The following MDN1 variants were observed in gnomAD, a reference collection of about 807,000 sequenced individuals.
MDN1 encodes the protein midasin.
MDN1 carries 266 observed loss-of-function variants against 669.2 expected under a neutral mutation model. The ratio of observed to expected loss-of-function variants is 0.40; its 90% CI spans 0.36 to 0.44. The LOEUF (loss-of-function observed/expected upper bound fraction) is 0.44, where lower values mean the gene tolerates loss of function less well. Among genes scored for constraint, MDN1 ranks in the 20% least tolerant of loss-of-function variants. The pLI, the probability that MDN1 is intolerant of heterozygous loss-of-function variation, is 1.00. For synonymous variants in MDN1, 2,385 were observed against 2,457.1 expected, an observed-to-expected ratio of 0.97 and a Z score of 0.87; for missense variants, 5,940 against 6,754.0, an observed-to-expected ratio of 0.88 and a Z score of 4.22.
intron 2 of MDN1, among the ~76,000 whole-genome samples, chr6:89,798,181 CAA>C (rs10706907): frequency 5.7e-4 from 41 of 71,518 alleles, no homozygotes; most frequent in East Asian, 1.2e-3. Flanking sequence ...GACTCTGTCT[CAA>C]AAAAAAAAAA....
chr6:89,678,764 C>CG lies in MDN1; in HGVS notation c.12266-20dup, dbSNP rs777535210. ...ACTTCACCTGTAAGGGAAAACAAGGCGGGGAGGGGAGACAATAAGAAAATC... is the reference window on the plus strand; with the variant it reads ...ACTTCACCTGTAAGGGAAAACAAGGCGGGGGAGGGGAGACAATAAGAAAATC... On this transcript the variant is annotated intron_variant, in intron 74 of 101. Coordinates refer to ENST00000369393, the MANE Select transcript of MDN1 (RefSeq NM_014611.3). 1.9e-6 allele frequency: 3 copies of CG among 1,598,698 alleles called. No homozygotes were observed. The highest frequency in any genetic ancestry group is 2.6e-6 in the Non-Finnish European group (3 of 1,171,770).
At chr6:89,734,014 G>A (rs1306959456) in intron 33 of MDN1, among the ~76,000 whole-genome samples, 2 of 151,042 alleles carry the variant, frequency 1.3e-5, no homozygotes, top group Non-Finnish European at 1.5e-5. Context: ...GCCAGGCACG[G>A]TGGCTCATGC....
At position 89,713,293 on chromosome 6, in the gene MDN1, G is replaced by T. The variant is rs115030787; in HGVS notation, c.7073C>A (p.Ser2358Tyr). Residue 2358 changes from serine to tyrosine, a missense_variant, in exon 47 of 102, where the codon TCT becomes TAT. By Grantham distance (144) the Ser-to-Tyr change is moderately radical (BLOSUM62 -2). Coordinates refer to ENST00000369393, the MANE Select transcript of MDN1 (RefSeq NM_014611.3). Reference sequence around the variant, plus strand: ...TAGAGTTGATACAGAAGATGTTGGAGAACCTATTAAAAAAAAATTGCCATC... The same window carrying T: ...TAGAGTTGATACAGAAGATGTTGGATAACCTATTAAAAAAAAATTGCCATC... ...HTETRSTVVGSPTSSVSTLIQ... is the reference protein window; with the variant it reads ...HTETRSTVVGYPTSSVSTLIQ... The T allele has an allele frequency of 1.7e-5, 28 of 1,603,554 alleles. No individual in the cohort carries two copies. Among genetic ancestry groups the T allele is most frequent in the Non-Finnish European group, 2.5e-6 (3 of 1,176,580 alleles).
Position 89,653,005 on chromosome 6 carries a change from T to C in MDN1, c.15812A>G (p.Asp5271Gly), listed in dbSNP as rs2128298938. 6.2e-7 allele frequency: 1 copy of C among 1,613,894 alleles called. No homozygotes were observed. Among genetic ancestry groups the C allele is most frequent in the Non-Finnish European group, 8.5e-7 (1 of 1,179,954 alleles). ...TIHTAHQFLM[D>G]TIFQPFLKDV... ...GAGTTTTACTACCTGGAAGATCGTG[T>C]CCATGAGGAATTGATGAGCTGTATG... The change falls in exon 94 of 102, where the codon GAC becomes GGC. Residue 5271 changes from aspartate (D) to glycine (G), a missense_variant. Transcript: ENST00000369393.
rs997365356 is a variant in MDN1 at position 89,758,150 on chromosome 6, C to T, written c.2702+105G>A. 3.8e-5 allele frequency: 32 copies of T among 841,790 alleles called. No homozygotes were observed. The South Asian group carries it at 5.3e-4, about 14-fold the overall frequency. The allele number at this position is 841,790 out of a possible 1,614,324, so 52.1% of individuals were successfully genotyped here. A position where few individuals can be genotyped will look rare whatever the true frequency, so the allele number is the denominator to read the frequency against. The stretch of plus-strand genomic sequence containing the variant: ...GTGGGAGGTGGGAGGACTGCTTGAA[C>T]CGGGGACTTGCAGTGAGCCAAGATC... On this transcript the variant is annotated intron_variant, in intron 19 of 101. Coordinates refer to ENST00000369393, the MANE Select transcript of MDN1 (RefSeq NM_014611.3).
Position 89,688,425 on chromosome 6 carries a change from G to A in MDN1, c.11259+148C>T, listed in dbSNP as rs1162904477. On this transcript the variant is annotated intron_variant, in intron 66 of 101. Transcript: ENST00000369393. ...AACTGGTGTGTTCATCCTGCAGTTA[G>A]TAAGTAACATCTCATTGAACTGCAG... is the stretch of plus-strand genomic sequence containing the variant. 8.4e-6 allele frequency: 6 copies of A among 715,422 alleles called. No individual in the cohort carries two copies. The East Asian group carries it at 1.1e-4, about 13-fold the overall frequency. 44.3% of individuals were successfully genotyped at this position (715,422 alleles called of 1,614,324 possible). A position where few individuals can be genotyped will look rare whatever the true frequency, so the allele number is the denominator to read the frequency against.
At chr6:89,786,679 A>T (rs948578395) in intron 8 of MDN1, among the ~76,000 whole-genome samples, 1 of 152,120 alleles carries the variant, frequency 6.6e-6, no homozygotes, top group Non-Finnish European at 1.5e-5. Flanking sequence ...CTGTAATCCC[A>T]GCACATCAGG....
intron 83 of MDN1, among the ~76,000 whole-genome samples, chr6:89,669,954 C>T (rs1016546341): frequency 6.6e-6 from 1 of 151,376 alleles, no homozygotes; most frequent in African/African-American, 2.4e-5. Flanking sequence ...CATGTAATCC[C>T]AGCACTTTGG....
chr6:89,794,950 G>T, intron 2 of MDN1, 149 bp from the exon 3 acceptor site: 1 of 698,022 alleles, frequency 1.4e-6, no homozygotes. Context: ...TGATTGGTGG[G>T]AATATCATAG....
rs561605776 is a variant in MDN1 at position 89,801,719 on chromosome 6, G to A, written c.329+1609C>T. Among the ~76,000 whole-genome samples, 6 of 151,462 alleles carry A rather than the reference G, an allele frequency of 4.0e-5. No homozygotes were observed. In the East Asian group the frequency reaches 7.8e-4, roughly 20 times the overall value. On this transcript the variant is annotated intron_variant, in intron 2 of 101. Transcript: ENST00000369393. Reference sequence around the variant, plus strand: ...TGATGGCGGGAGAATCACTTGAACCGGGAGGCAGAGGCTGCAATGAGCCAA... The same window carrying A: ...TGATGGCGGGAGAATCACTTGAACCAGGAGGCAGAGGCTGCAATGAGCCAA...
At position 89,650,120 on chromosome 6, in the gene MDN1, C is replaced by A. The variant is rs1808748412; in HGVS notation, c.16110G>T (p.Lys5370Asn). The A allele has an allele frequency of 6.2e-7, 1 of 1,614,034 alleles. No homozygotes were observed. Among genetic ancestry groups the A allele is most frequent in the Non-Finnish European group, 8.5e-7 (1 of 1,180,028 alleles). Reference protein sequence around the residue: ...PYIASQFRKDKIWLRRTKPSK... With the variant: ...PYIASQFRKDNIWLRRTKPSK... ...TGGGCTTGGTCCTTCGAAGCCAAAT[C>A]TTGTCTTTCCGAAATTGACTAGCAA... The change falls in exon 97 of 102, where the codon AAG (lysine) becomes AAT (asparagine). Residue 5370 changes from lysine to asparagine, a missense_variant. Transcript: ENST00000369393.
intron 50 of MDN1, 53 bp downstream of exon 50, chr6:89,710,628 C>G: frequency 9.4e-7 from 1 of 1,061,044 alleles, no homozygotes; most frequent in Non-Finnish European, 1.3e-6. Context: ...CCCATAAAGT[C>G]AAAAGATAAG....
intron 2 of MDN1, among the ~76,000 whole-genome samples, chr6:89,795,987 T>A (rs1330541725): frequency 1.3e-5 from 2 of 150,754 alleles, no homozygotes; most frequent in Non-Finnish European, 3.0e-5. Context: ...GGGGGGGACA[T>A]CATATTATAT....
chr6:89,645,637 T>C (rs938569812), intron 100 of MDN1, among the ~76,000 whole-genome samples: 1 of 152,242 alleles, frequency 6.6e-6, no homozygotes, highest in Non-Finnish European at 1.5e-5. Context: ...TTGTACCTAA[T>C]TTCTATATTT....
intron 82 of MDN1, among the ~76,000 whole-genome samples, 193 bp downstream of exon 82, chr6:89,672,007 A>G (rs1366619520): frequency 6.6e-6 from 1 of 152,250 alleles, no homozygotes; most frequent in Non-Finnish European, 1.5e-5. Context: ...GCATCTAACA[A>G]TTAGCTAGCA....
chr6:89,782,451 G>A (rs1818722873), intron 9 of MDN1, among the ~76,000 whole-genome samples: 1 of 151,838 alleles, frequency 6.6e-6, no homozygotes, highest in African/African-American at 2.4e-5. Flanking sequence ...TGCTGGGCAG[G>A]GTGGCACACA....
Position 89,655,686 on chromosome 6 carries a change from T to A in MDN1, c.15490+78A>T, listed in dbSNP as rs1001009740. 6.1e-5 allele frequency: 79 copies of A among 1,286,170 alleles called. 1 individual carries two copies. The Admixed American group carries it at 1.7e-3, about 27-fold the overall frequency. 79.7% of individuals were successfully genotyped at this position (1,286,170 alleles called of 1,614,324 possible). A position where few individuals can be genotyped will look rare whatever the true frequency, so the allele number is the denominator to read the frequency against. On this transcript the variant is annotated intron_variant, in intron 92 of 101. Transcript: ENST00000369393. The stretch of plus-strand genomic sequence containing the variant: ...TCACACTGTACCCCACAAATACGTA[T>A]CATTATTATAGGTCACATAGCACAA...
Position 89,692,398 on chromosome 6 carries a change from C to T in MDN1, c.10587+45G>A, listed in dbSNP as rs756952188. On this transcript the variant is annotated intron_variant, in intron 63 of 101. Transcript: ENST00000369393. ...AGGCCGCCCTGCTGTGAACCTGGCT[C>T]TCTGCAGGAGGAAGGGCAGGGCAGG... is the stretch of plus-strand genomic sequence containing the variant. The T allele has an allele frequency of 3.2e-6, 5 of 1,539,890 alleles. No homozygotes were observed. The Middle Eastern group carries it at 1.1e-3, about 333-fold the overall frequency.
chr6:89,649,358 T>C (rs902762691), intron 97 of MDN1, among the ~76,000 whole-genome samples: 5 of 152,236 alleles, frequency 3.3e-5, no homozygotes, highest in African/African-American at 1.2e-4. Flanking sequence ...CCCAAAGTCA[T>C]GTGTTAATAA....
Sources: allele counts gnomAD v4.1 joint callset (sites outside exome capture counted in the v4.1 genomes callset), GRCh38; gene constraint gnomAD v4.1.1; transcripts MANE v1.5; gene names NCBI Gene and HGNC (gene_info 2026-07-23, HGNC 2026-07-21).